The following TMEM273 variants were observed in gnomAD, a reference collection of about 807,000 sequenced individuals.
The protein encoded by TMEM273 is chromosome 10 open reading frame 128.
Under a neutral mutation model 17.9 loss-of-function variants are expected in TMEM273, and 19 were observed. The ratio of observed to expected loss-of-function variants is 1.06; its 90% CI spans 0.74 to 1.55. TMEM273 has a LOEUF of 1.55. TMEM273 is among the 40% of genes most tolerant of loss of function. The pLI is 0.00. For synonymous variants in TMEM273, 66 were observed against 62.0 expected (o/e 1.07, Z -0.31); for missense variants, 194 against 155.6 (o/e 1.25, Z -1.31).
chr10:49,156,443 A>G (rs1331985424), intron 6 of TMEM273, among the ~76,000 whole-genome samples: 1 of 152,256 alleles, frequency 6.6e-6, no homozygotes, highest in African/African-American at 2.4e-5. Context: ...TGAGTCAACA[A>G]ACCAGACTCA....
intron 1 of TMEM273, among the ~76,000 whole-genome samples, chr10:49,176,577 T>A (rs1846985643): frequency 6.6e-6 from 1 of 152,048 alleles, no homozygotes; most frequent in Non-Finnish European, 1.5e-5. Flanking sequence ...AGTGGTGGGG[T>A]TATTATTATT....
intron 1 of TMEM273, among the ~76,000 whole-genome samples, chr10:49,176,270 C>T (rs1342487468): frequency 1.3e-5 from 2 of 152,160 alleles, no homozygotes; most frequent in Non-Finnish European, 2.9e-5. Flanking sequence ...CCAAGCACAC[C>T]GGGAGGCACT....
intron 1 of TMEM273, among the ~76,000 whole-genome samples, chr10:49,171,541 T>C (rs912776099): frequency 2.6e-5 from 4 of 152,212 alleles, no homozygotes; most frequent in Non-Finnish European, 5.9e-5. Flanking sequence ...TGATGCCCCA[T>C]TTGGACCTGG....
Position 49,165,663 on chromosome 10 carries a change from G to A in TMEM273, c.269+103C>T, listed in dbSNP as rs1846129930. On this transcript the variant is annotated intron_variant, in intron 4 of 6. Coordinates refer to ENST00000374153, the MANE Select transcript of TMEM273 (RefSeq NM_001288740.3). ...TGCATTCTAGTCACCTAGAAAGCAT[G>A]CCAGAGTGCAGAGAAGGCTGGGGAT... The A allele has an allele frequency of 5.3e-6, 8 of 1,511,516 alleles. No homozygotes were observed. The South Asian group carries it at 9.3e-5, about 18-fold the overall frequency. 93.6% of individuals were successfully genotyped at this position (1,511,516 alleles called of 1,614,324 possible).
chr10:49,174,437 G>A lies in TMEM273; in HGVS notation c.44-6475C>T, dbSNP rs118107403. Among the ~76,000 whole-genome samples the A allele has an allele frequency of 4.8e-3, 734 of 152,336 alleles. 5 individuals carry two copies. The highest frequency in any genetic ancestry group is 8.2e-3 in the Non-Finnish European group (559 of 68,026). On this transcript the variant is annotated intron_variant, in intron 1 of 6. Coordinates refer to ENST00000374153, the MANE Select transcript of TMEM273 (RefSeq NM_001288740.3). Reference sequence around the variant, plus strand: ...AGTCCTCCTACTTCCAGCATCGCTCGGCTCTTGCCGGAGTCTAGACACTTC... The same window carrying A: ...AGTCCTCCTACTTCCAGCATCGCTCAGCTCTTGCCGGAGTCTAGACACTTC...
At chr10:49,183,882 T>A (rs1847504401) in intron 1 of TMEM273, among the ~76,000 whole-genome samples, 1 of 151,994 alleles carries the variant, frequency 6.6e-6, no homozygotes, top group South Asian at 2.1e-4. Context: ...GCCAAAATGA[T>A]TCTAGCAACA....
chr10:49,164,754 C>T (rs1846059245), intron 5 of TMEM273, among the ~76,000 whole-genome samples: 1 of 152,150 alleles, frequency 6.6e-6, no homozygotes, highest in Non-Finnish European at 1.5e-5. Context: ...CCTGAGGCTC[C>T]CCTGCACCTC....
chr10:49,158,953 A>G (rs993410449), intron 6 of TMEM273, among the ~76,000 whole-genome samples: 16 of 152,192 alleles, frequency 1.1e-4, no homozygotes, highest in African/African-American at 3.4e-4. Context: ...TATTTTAAAA[A>G]GTGTGTCTAT....
chr10:49,155,969 T>C (rs1845482684), intron 6 of TMEM273, 60 bp from the exon 7 acceptor site: 1 of 1,613,052 alleles, frequency 6.2e-7, no homozygotes, highest in African/African-American at 1.3e-5. Context: ...CTCTAATGAT[T>C]GCATGTGTTT....
At chr10:49,177,005 C>T (rs1257974357) in intron 1 of TMEM273, among the ~76,000 whole-genome samples, 1 of 152,190 alleles carries the variant, frequency 6.6e-6, no homozygotes, top group Non-Finnish European at 1.5e-5. Flanking sequence ...CTTCAGGGGC[C>T]CCTTCCAGAG....
In TMEM273 at chr10:49,185,419, C is replaced by T. The variant is rs115487482; in HGVS notation, c.43+2875G>A. ...CATAGCCCCCAAGTCCCCTGAGGTA[C>T]AGTTCTCATACACCCTGGGTGACTG... On this transcript the variant is annotated intron_variant, in intron 1 of 6. Coordinates refer to ENST00000374153, the MANE Select transcript of TMEM273 (RefSeq NM_001288740.3). Among the ~76,000 whole-genome samples, 1,367 of 152,074 alleles carry T rather than the reference C, an allele frequency of 9.0e-3. 22 individuals carry two copies. The highest frequency in any genetic ancestry group is 0.032 in the African/African-American group (1,309 of 41,470).
intron 5 of TMEM273, among the ~76,000 whole-genome samples, chr10:49,162,476 G>C (rs1332717525): frequency 6.6e-6 from 1 of 152,186 alleles, no homozygotes; most frequent in African/African-American, 2.4e-5. Context: ...TCAAGGTCTG[G>C]CGATTTGCAA....
chr10:49,160,451 A>G (rs1177281816), intron 6 of TMEM273: 2 of 152,218 alleles, frequency 1.3e-5, no homozygotes, highest in African/African-American at 4.8e-5. Context: ...GGACTTCTCA[A>G]TTAACAATGC....
At chr10:49,161,754 G>T in intron 5 of TMEM273, 132 bp from the exon 6 acceptor site, 1 of 1,057,852 alleles carries the variant, frequency 9.5e-7, no homozygotes, top group Non-Finnish European at 1.4e-6. Flanking sequence ...TCATGACTCA[G>T]CCTGACTCCA....
In TMEM273 at chr10:49,166,119, C is replaced by T. The variant is rs377620524; in HGVS notation, c.239-323G>A. On this transcript the variant is annotated intron_variant, in intron 3 of 6. Transcript: ENST00000374153. ...TTATCTTCACGGATCATAATCACGT[C>T]TTCCAGGAAGGCAGTGAGGCTCTAT... Among the ~76,000 whole-genome samples, 13 of 152,322 alleles carry T rather than the reference C, an allele frequency of 8.5e-5. No individual in the cohort carries two copies. The South Asian group carries it at 2.5e-3, about 29-fold the overall frequency.
At chr10:49,167,882 C>T in intron 2 of TMEM273, 27 bp downstream of exon 2, 1 of 1,613,516 alleles carries the variant, frequency 6.2e-7, no homozygotes, top group Non-Finnish European at 8.5e-7. Context: ...TGACCCTGTG[C>T]ACAGAATAAC....
chr10:49,186,320 C>G (rs1847726563), intron 1 of TMEM273, among the ~76,000 whole-genome samples: 1 of 152,196 alleles, frequency 6.6e-6, no homozygotes, highest in Non-Finnish European at 1.5e-5. Context: ...TCTCTTGTTT[C>G]TGGTTCCCAC....
intron 1 of TMEM273, among the ~76,000 whole-genome samples, chr10:49,182,138 G>GT (rs1847386361): frequency 6.6e-6 from 1 of 152,132 alleles, no homozygotes; most frequent in Non-Finnish European, 1.5e-5. Flanking sequence ...TGGTGTATTC[G>GT]TTTTTTGTTA....
intron 4 of TMEM273, chr10:49,165,502 G>T: frequency 7.0e-7 from 1 of 1,422,616 alleles, no homozygotes; most frequent in Non-Finnish European, 9.3e-7. Flanking sequence ...TCTGAGTGGG[G>T]GTGGAACAGG....
Sources: allele counts gnomAD v4.1 joint callset (sites outside exome capture counted in the v4.1 genomes callset), GRCh38; gene constraint gnomAD v4.1.1; transcripts MANE v1.5; gene names NCBI Gene and HGNC (gene_info 2026-07-23, HGNC 2026-07-21).